The following FBXO31 variants were observed in gnomAD, a reference collection of about 807,000 sequenced individuals.
The protein encoded by FBXO31 is F-box protein 31.
In FBXO31, 24 loss-of-function variants were observed where a neutral mutation model predicts 54.4. The ratio of observed to expected loss-of-function variants is 0.44; its 90% CI spans 0.32 to 0.62. The LOEUF (loss-of-function observed/expected upper bound fraction) is 0.62, where lower values mean the gene tolerates loss of function less well. Among genes scored for constraint, FBXO31 ranks in the 20% least tolerant of loss-of-function variants. FBXO31 has a pLI of 0.05. For synonymous variants in FBXO31, 388 were observed against 335.6 expected (o/e 1.16, Z -1.71); for missense variants, 665 against 787.1 (o/e 0.84, Z 1.86).
chr16:87,380,195 G>C (rs1389463012), intron 1 of FBXO31, among the ~76,000 whole-genome samples: 1 of 149,962 alleles, frequency 6.7e-6, no homozygotes, highest in Non-Finnish European at 1.5e-5. Context: ...CTACTTAAGA[G>C]GCTGAGGCAG....
At chr16:87,366,183 C>G (rs1479838643) in intron 1 of FBXO31, among the ~76,000 whole-genome samples, 2 of 152,148 alleles carry the variant, frequency 1.3e-5, no homozygotes, top group Non-Finnish European at 2.9e-5. Flanking sequence ...TGAGTGAAAA[C>G]TGCGGAAATC....
chr16:87,348,476 C>T (rs538674985), intron 2 of FBXO31, among the ~76,000 whole-genome samples: 12 of 152,318 alleles, frequency 7.9e-5, no homozygotes, highest in South Asian at 2.1e-4. Context: ...ACGCCTGGGC[C>T]CCCTAATGGT....
At chr16:87,354,737 G>A (rs1339363762) in intron 2 of FBXO31, among the ~76,000 whole-genome samples, 1 of 152,190 alleles carries the variant, frequency 6.6e-6, no homozygotes, top group African/African-American at 2.4e-5. Flanking sequence ...GGTGGCCGAG[G>A]TAGATGGATC....
chr16:87,376,327 G>T (rs922445206), intron 1 of FBXO31, among the ~76,000 whole-genome samples: 2 of 150,902 alleles, frequency 1.3e-5, no homozygotes, highest in African/African-American at 2.4e-5. Flanking sequence ...AGGCTGGAGT[G>T]CAGTGGCGCG....
At chr16:87,340,962 C>T (rs182411606) in intron 5 of FBXO31, among the ~76,000 whole-genome samples, 46 of 152,310 alleles carry the variant, frequency 3.0e-4, no homozygotes, top group African/African-American at 1.1e-3. Flanking sequence ...AACCCGCCAA[C>T]ACCAAACAGA....
chr16:87,382,190 T>C (rs1254217807), intron 1 of FBXO31, among the ~76,000 whole-genome samples: 1 of 152,260 alleles, frequency 6.6e-6, no homozygotes, highest in African/African-American at 2.4e-5. Context: ...GGGACGAGTC[T>C]GTGCTACATG....
intron 1 of FBXO31, among the ~76,000 whole-genome samples, chr16:87,370,074 C>T (rs1045451874): frequency 6.6e-5 from 10 of 152,196 alleles, no homozygotes; most frequent in African/African-American, 1.9e-4. Flanking sequence ...GTCCCTGCAG[C>T]ACAGGCCTGA....
intron 5 of FBXO31, among the ~76,000 whole-genome samples, chr16:87,341,072 A>C (rs1322422831): frequency 6.6e-6 from 1 of 152,072 alleles, no homozygotes; most frequent in Non-Finnish European, 1.5e-5. Context: ...ACTCAGAATA[A>C]GGGAAACATA....
intron 1 of FBXO31, among the ~76,000 whole-genome samples, chr16:87,379,048 G>A (rs896589736): frequency 5.3e-5 from 8 of 152,008 alleles, no homozygotes; most frequent in African/African-American, 1.9e-4. Flanking sequence ...CTGCCACACT[G>A]CACCTAGTGA....
In FBXO31 at chr16:87,327,526, G is replaced by C. The variant is rs1387547019; in HGVS notation, c.*3762C>G. Reference sequence around the variant, plus strand: ...AAGTTAGCCAAGCATGGTGGTGGTGGGTGCCTGTGGTCCCAGCTACTTGGG... The same window carrying C: ...AAGTTAGCCAAGCATGGTGGTGGTGCGTGCCTGTGGTCCCAGCTACTTGGG... On this transcript the variant is annotated 3_prime_UTR_variant, in exon 9 of 9. Transcript: ENST00000311635. 2.0e-5 allele frequency: 3 copies of C among 152,262 alleles called. No homozygotes were observed. The highest frequency in any genetic ancestry group is 4.4e-5 in the Non-Finnish European group (3 of 68,108). 9.4% of individuals were successfully genotyped at this position (152,262 alleles called of 1,614,324 possible). A position where few individuals can be genotyped will look rare whatever the true frequency, so the allele number is the denominator to read the frequency against.
chr16:87,371,835 G>C lies in FBXO31; in HGVS notation c.341-11469C>G, dbSNP rs571050685. Among the ~76,000 whole-genome samples the C allele has an allele frequency of 3.9e-5, 6 of 152,344 alleles. No homozygotes were observed. In the East Asian group the frequency reaches 1.2e-3, roughly 29 times the overall value. On this transcript the variant is annotated intron_variant, in intron 1 of 8. Transcript: ENST00000311635. ...AGTCTCAGGGAGTGTCCCATGACAA[G>C]TGGGGAAGGGGAAACCTCGACTCAA...
chr16:87,331,645 G>A (rs967464318), intron 8 of FBXO31, 135 bp from the exon 9 acceptor site: 1 of 753,010 alleles, frequency 1.3e-6, no homozygotes, highest in Non-Finnish European at 2.1e-6. Flanking sequence ...CTGACTCCCA[G>A]AGCCAGCCTG....
intron 2 of FBXO31, among the ~76,000 whole-genome samples, chr16:87,354,115 A>G (rs1905789119): frequency 6.6e-6 from 1 of 152,252 alleles, no homozygotes; most frequent in African/African-American, 2.4e-5. Context: ...ATATTTTTAG[A>G]AGATATCATT....
At chr16:87,333,809 G>A (rs1031388162) in intron 8 of FBXO31, 77 bp downstream of exon 8, 15 of 1,492,694 alleles carry the variant, frequency 1.0e-5, no homozygotes, top group African/African-American at 1.4e-5. Flanking sequence ...CTCCGCCTGT[G>A]CTAGGTGTGG....
rs568036440 is a variant in FBXO31 at position 87,346,034 on chromosome 16, A to C, written c.489+1140T>G. Among the ~76,000 whole-genome samples, 2 of 152,164 alleles carry C rather than the reference A, an allele frequency of 1.3e-5. No homozygotes were observed. The highest frequency in any genetic ancestry group is 1.3e-4 in the Admixed American group (2 of 15,294). On this transcript the variant is annotated intron_variant, in intron 3 of 8. Coordinates refer to ENST00000311635, the MANE Select transcript of FBXO31 (RefSeq NM_024735.5). This position sits in a 1 kb window ranked among gnomAD's most constrained non-coding sequence, Gnocchi z 4.2. ...AAGCAGAGTGGCTGCTGAGAGGAGA[A>C]GGGGCCAAGCGAAGCGTGACTCACA...
At position 87,346,741 on chromosome 16, in the gene FBXO31, G is replaced by A. The variant is rs1158550199; in HGVS notation, c.489+433C>T. Among the ~76,000 whole-genome samples the A allele has an allele frequency of 3.9e-5, 6 of 152,238 alleles. No individual in the cohort carries two copies. The highest frequency in any genetic ancestry group is 8.8e-5 in the Non-Finnish European group (6 of 68,050). ...GAGGCTCCAGTAGGAGGGCACAGGG[G>A]GCGGGAGGCAGGGTGGTCAGAGCGG... On this transcript the variant is annotated intron_variant, in intron 3 of 8. Transcript: ENST00000311635. This position sits in a 1 kb window ranked among gnomAD's most constrained non-coding sequence, Gnocchi z 4.2.
At chr16:87,361,732 C>A (rs1467169717) in intron 1 of FBXO31, among the ~76,000 whole-genome samples, 2 of 152,174 alleles carry the variant, frequency 1.3e-5, no homozygotes, top group African/African-American at 4.8e-5. Flanking sequence ...GCTTCTCTAA[C>A]TGGAAGCACT....
Position 87,383,433 on chromosome 16 carries a change from G to T in FBXO31, c.312C>A (p.Asp104Glu). The change falls in exon 1 of 9, where the codon GAC becomes GAA. Residue 104 changes from aspartate (D) to glutamate (E), a missense_variant. Physicochemically the swap from Asp to Glu is conservative, Grantham distance 45. Coordinates refer to ENST00000311635, the MANE Select transcript of FBXO31 (RefSeq NM_024735.5). The surrounding 1 kb of genome is among the most constrained non-coding windows in gnomAD (Gnocchi z 4.9). ...CTKFRRILHT[D>E]TIWRRRCREE... ...CACGGCAACGCCTCCTCCAGATGGT[G>T]TCGGTGTGGAGGATGCGCCGGAACT... 6 of 1,581,278 alleles carry T rather than the reference G, an allele frequency of 3.8e-6. No individual in the cohort carries two copies. Among genetic ancestry groups the T allele is most frequent in the Non-Finnish European group, 5.1e-6 (6 of 1,168,068 alleles).
chr16:87,331,110 T>G lies in FBXO31; in HGVS notation c.*178A>C. On this transcript the variant is annotated 3_prime_UTR_variant, in exon 9 of 9. Transcript: ENST00000311635. ...TCTTCCATCATGGCACTGACAAATA[T>G]GCAGGTCTATGTCACACTCTCTACA... 1.7e-6 allele frequency: 1 copy of G among 604,672 alleles called. No homozygotes were observed. The allele number at this position is 604,672 out of a possible 1,614,324, so 37.5% of individuals were successfully genotyped here. A position where few individuals can be genotyped will look rare whatever the true frequency, so the allele number is the denominator to read the frequency against.
Sources: allele counts gnomAD v4.1 joint callset (sites outside exome capture counted in the v4.1 genomes callset), GRCh38; gene constraint gnomAD v4.1.1; non-coding constraint Gnocchi (gnomAD v3.1); transcripts MANE v1.5; gene names NCBI Gene and HGNC (gene_info 2026-07-23, HGNC 2026-07-21).